The following OCA2 variants were observed in gnomAD, a reference collection of about 807,000 sequenced individuals.
OCA2 encodes the protein OCA2 melanosomal transmembrane protein, also known as P protein.
In OCA2, 77 loss-of-function variants were observed where a neutral mutation model predicts 100.2. The ratio of observed to expected loss-of-function variants is 0.77; its 90% CI spans 0.64 to 0.93. OCA2 has a LOEUF of 0.93. OCA2 is among the 40% of genes least tolerant of loss of function. OCA2 has a pLI of 0.00. For synonymous variants in OCA2, 432 were observed against 439.2 expected (o/e 0.98, Z 0.21); for missense variants, 1,062 against 1,089.1 (o/e 0.98, Z 0.35).
the OCA2 span, among the ~76,000 whole-genome samples, chr15:27,733,802 C>T: frequency 6.6e-6 from 1 of 151,988 alleles, no homozygotes; most frequent in Admixed American, 6.6e-5. Flanking sequence ...GTACATTTAA[C>T]TTCACTCAAA....
chr15:27,730,375 C>T, the OCA2 span, among the ~76,000 whole-genome samples: 1 of 152,136 alleles, frequency 6.6e-6, no homozygotes, highest in South Asian at 2.1e-4. Flanking sequence ...AAGGAGGGTA[C>T]ACAGAACTTC....
chr15:27,954,149 A>C (rs1014285391), intron 17 of OCA2, among the ~76,000 whole-genome samples: 1 of 46,982 alleles, frequency 2.1e-5, no homozygotes, highest in Non-Finnish European at 1.3e-4. Context: ...ACACACACAC[A>C]CACACACACA....
At chr15:28,070,553 T>C (rs1210735804) in intron 2 of OCA2, among the ~76,000 whole-genome samples, 31 of 122,390 alleles carry the variant, frequency 2.5e-4, no homozygotes, top group African/African-American at 6.4e-4. Context: ...GGGTCAGCCC[T>C]CCGCCCGGCC....
At chr15:27,860,578 C>T (rs1432177180) in intron 21 of OCA2, among the ~76,000 whole-genome samples, 1 of 152,140 alleles carries the variant, frequency 6.6e-6, no homozygotes, top group Non-Finnish European at 1.5e-5. Context: ...TGTGTGAATT[C>T]GATTAGGATA....
intron 4 of OCA2, among the ~76,000 whole-genome samples, chr15:28,027,311 A>C (rs771694100): frequency 6.6e-5 from 10 of 151,516 alleles, no homozygotes; most frequent in Non-Finnish European, 1.3e-4. Context: ...CATGTGCACC[A>C]TCCACTTTCT....
intron 9 of OCA2, among the ~76,000 whole-genome samples, chr15:27,997,161 AG>A (rs1164119895): frequency 6.7e-6 from 1 of 149,706 alleles, no homozygotes; most frequent in Non-Finnish European, 1.5e-5. Flanking sequence ...AAAGAAAGAA[AG>A]GAAGGAAGGA....
intron 23 of OCA2, among the ~76,000 whole-genome samples, chr15:27,786,246 G>A (rs2032810222): frequency 1.3e-5 from 2 of 152,156 alleles, no homozygotes; most frequent in Admixed American, 1.3e-4. Flanking sequence ...TCTTCAAGAT[G>A]TTTGAGCTAT....
rs1371155796 is a variant in OCA2, at chr15:27,988,160, C to T, written c.1182+1441G>A. On this transcript the variant is annotated intron_variant, in intron 11 of 23. Transcript: ENST00000354638. ...GAACTCAGGGATGGGGGTAAATGGT[C>T]CCATGGGTGGTTGGCTGCCAGGAAA... 2.6e-5 allele frequency among the ~76,000 whole-genome samples: 4 copies of T among 152,014 alleles called. No homozygotes were observed. The East Asian group carries it at 5.8e-4, about 22-fold the overall frequency.
intron 19 of OCA2, among the ~76,000 whole-genome samples, chr15:27,890,675 A>C (rs1473932298): frequency 6.6e-6 from 1 of 152,232 alleles, no homozygotes; most frequent in Non-Finnish European, 1.5e-5. Flanking sequence ...ATTTTTTACT[A>C]GCAGACCTAC....
chr15:27,719,109 T>C, the OCA2 span, among the ~76,000 whole-genome samples: 1 of 152,210 alleles, frequency 6.6e-6, no homozygotes. Context: ...CTAATTCCTA[T>C]ACTACTGCTC....
In OCA2 at chr15:27,853,589, A is replaced by G. The variant is rs1395937609; in HGVS notation, c.2245-2114T>C. Among the ~76,000 whole-genome samples, 4 of 152,108 alleles carry G rather than the reference A, an allele frequency of 2.6e-5. No homozygotes were observed. The East Asian group carries it at 7.8e-4, about 30-fold the overall frequency. ...AAAGTATAATAATAAAAGAAAAAAAAAAAAAGAAATTTGTGTTCAAACAGC... is the reference window on the plus strand; with the variant it reads ...AAAGTATAATAATAAAAGAAAAAAAGAAAAAGAAATTTGTGTTCAAACAGC... On this transcript the variant is annotated intron_variant, in intron 21 of 23. Coordinates refer to ENST00000354638, the MANE Select transcript of OCA2 (RefSeq NM_000275.3).
intron 19 of OCA2, among the ~76,000 whole-genome samples, chr15:27,905,565 G>A (rs745731229): frequency 1.3e-5 from 2 of 152,216 alleles, no homozygotes; most frequent in Non-Finnish European, 2.9e-5. Flanking sequence ...GCCCATCTGG[G>A]GGCATGCAGC....
At chr15:27,978,124 T>C (rs1027734318) in intron 14 of OCA2, among the ~76,000 whole-genome samples, 2 of 152,240 alleles carry the variant, frequency 1.3e-5, no homozygotes, top group African/African-American at 2.4e-5. Context: ...ATCCTTGTTA[T>C]TATATTCTAA....
chr15:28,073,931 C>T (rs1479075353), intron 2 of OCA2, among the ~76,000 whole-genome samples: 4 of 151,408 alleles, frequency 2.6e-5, no homozygotes, highest in African/African-American at 4.9e-5. Context: ...TCTGAGATTA[C>T]GATGGAATAG....
chr15:27,871,125 A>T lies in OCA2; in HGVS notation c.2244+29T>A, dbSNP rs770076096. On this transcript the variant is annotated intron_variant, in intron 21 of 23. Transcript: ENST00000354638. ...CCAGGCTATGTCCAGGCTAAAGTTG[A>T]GCCGTCGACATGGACATGTGCAACT... 3.9e-6 allele frequency: 6 copies of T among 1,534,634 alleles called. No homozygotes were observed. In the South Asian group the frequency reaches 6.7e-5, roughly 17 times the overall value.
At chr15:27,869,895 C>G (rs990065482) in intron 21 of OCA2, among the ~76,000 whole-genome samples, 2 of 152,188 alleles carry the variant, frequency 1.3e-5, no homozygotes, top group Non-Finnish European at 2.9e-5. Flanking sequence ...TGGGCCACAG[C>G]CGGGACATTT....
chr15:28,081,531 A>C (rs1395603065), intron 2 of OCA2, 117 bp downstream of exon 2: 8 of 974,620 alleles, frequency 8.2e-6, no homozygotes, highest in Non-Finnish European at 1.1e-5. Flanking sequence ...TAATGCTGGA[A>C]AAATTCTTGC....
the OCA2 span, among the ~76,000 whole-genome samples, chr15:27,733,678 C>A: frequency 6.6e-6 from 1 of 151,960 alleles, no homozygotes; most frequent in African/African-American, 2.4e-5. Flanking sequence ...TCTAAAGCTG[C>A]GTGATATGCA....
At chr15:27,834,505 T>G (rs374812887) in intron 23 of OCA2, among the ~76,000 whole-genome samples, 184 of 152,336 alleles carry the variant, frequency 1.2e-3, no homozygotes, top group African/African-American at 4.3e-3. Context: ...GGTGAGGGGT[T>G]GCAGGAACCC....
Sources: gnomAD v4.1 joint callset for allele counts (sites outside exome capture counted in the v4.1 genomes callset) on GRCh38, gnomAD v4.1.1 for gene constraint, MANE v1.5 for transcripts, NCBI Gene and HGNC (gene_info 2026-07-23, HGNC 2026-07-21) for gene names.